The following ZNF83 variants were observed in gnomAD, a reference collection of about 807,000 sequenced individuals.
ZNF83 encodes the protein zinc finger protein 83.
For missense variants in ZNF83, 552 were observed against 629.9 expected, an observed-to-expected ratio of 0.88 and a Z score of 1.32; for synonymous variants, 209 against 213.0, an observed-to-expected ratio of 0.98 and a Z score of 0.17.
In ZNF83 at chr19:52,631,665, T is replaced by C. The variant is rs372543501; in HGVS notation, c.-234+3401A>G. ...TTCTGGATACCACACCTGACCCTCA[T>C]GACTGTATCTCTCTGATCCATCTGA... On this transcript the variant is annotated intron_variant, in intron 2 of 2. Transcript: ENST00000301096. 3.4e-3 allele frequency among the ~76,000 whole-genome samples: 523 copies of C among 152,340 alleles called. 1 individual carries two copies. Among genetic ancestry groups the C allele is most frequent in the Non-Finnish European group, 5.9e-3 (401 of 68,028 alleles).
chr19:52,628,690 TTCTC>T (rs1184279034), intron 2 of ZNF83, among the ~76,000 whole-genome samples: 22 of 151,920 alleles, frequency 1.4e-4, no homozygotes, highest in Non-Finnish European at 2.1e-4. Flanking sequence ...CCCCAACACC[TTCTC>T]TCTGTGTCTC....
upstream of ZNF83, among the ~76,000 whole-genome samples, chr19:52,642,261 CTTTTTTTTTTTTTTTTT>C (rs869173970): frequency 6.3e-5 from 3 of 47,864 alleles, no homozygotes; most frequent in South Asian, 8.5e-4. Flanking sequence ...AGTATTGTAG[CTTTTTTTTTTTTTTTTT>C]TTTTTTTTTT....
chr19:52,620,040 C>T (rs1012106317), intron 2 of ZNF83, among the ~76,000 whole-genome samples: 3 of 152,020 alleles, frequency 2.0e-5, no homozygotes, highest in African/African-American at 7.2e-5. Flanking sequence ...CAAAGCGAGG[C>T]CCCATCTCAA....
At chr19:52,614,753 C>T in exon 3 of ZNF83, 1 of 1,291,218 alleles carries the variant, frequency 7.7e-7, no homozygotes, top group Non-Finnish European at 9.9e-7. Context: ...GTATTACTCT[C>T]CTTTTTTGGT....
chr19:52,687,497 TAG>T (rs374991777), intron 1 of ZNF83, among the ~76,000 whole-genome samples: 2 of 19,088 alleles, frequency 1.0e-4, no homozygotes, highest in Admixed American at 4.0e-4. Context: ...ATAATTTATA[TAG>T]ATATATAAAT....
At position 52,657,980 on chromosome 19, in the gene ZNF83, TACA is replaced by T. The variant is rs540715847; in HGVS notation, c.-200-2296_-200-2294del. Reference sequence around the variant, plus strand: ...AGAGAAACTCTGTCTCTACTAAAAATACAAAATTAGCCGGGTATGGTGATGCAT... The same window carrying T: ...AGAGAAACTCTGTCTCTACTAAAAATAAATTAGCCGGGTATGGTGATGCAT... On this transcript the variant is annotated intron_variant, in intron 2 of 5. Coordinates refer to the ZNF83 transcript ENST00000594682. Among the ~76,000 whole-genome samples the T allele has an allele frequency of 9.9e-5, 15 of 151,548 alleles. No homozygotes were observed. The South Asian group carries it at 3.1e-3, about 32-fold the overall frequency.
intron 2 of ZNF83, among the ~76,000 whole-genome samples, chr19:52,628,616 G>A (rs1259562407): frequency 2.0e-5 from 3 of 152,006 alleles, no homozygotes; most frequent in Admixed American, 2.0e-4. Flanking sequence ...GACCACACAG[G>A]GACGCCTGCC....
intron 2 of ZNF83, among the ~76,000 whole-genome samples, chr19:52,626,302 T>C (rs1304262658): frequency 6.6e-6 from 1 of 152,188 alleles, no homozygotes; most frequent in African/African-American, 2.4e-5. Context: ...CCAAGTCAAC[T>C]CTTAGCCCCA....
intron 1 of ZNF83, among the ~76,000 whole-genome samples, chr19:52,689,088 C>T (rs577988680): frequency 4.6e-5 from 7 of 152,126 alleles, no homozygotes; most frequent in African/African-American, 9.6e-5. Flanking sequence ...ACAAGGCCAC[C>T]GGCAACCCAA....
intron 1 of ZNF83, among the ~76,000 whole-genome samples, chr19:52,661,630 G>C (rs1212615889): frequency 6.6e-6 from 1 of 152,198 alleles, no homozygotes; most frequent in African/African-American, 2.4e-5. Flanking sequence ...AACCTAATGT[G>C]AAGTCAGGGT....
upstream of ZNF83, among the ~76,000 whole-genome samples, chr19:52,641,497 G>C (rs1018334593): frequency 2.0e-5 from 3 of 152,152 alleles, no homozygotes; most frequent in African/African-American, 7.2e-5. Context: ...AAGTTGAAGA[G>C]CATTTCCCTA....
chr19:52,660,492 C>G (rs1000256325), intron 2 of ZNF83, among the ~76,000 whole-genome samples: 2 of 147,710 alleles, frequency 1.4e-5, no homozygotes, highest in Non-Finnish European at 2.9e-5. Context: ...GTGGTGGACA[C>G]CTATAATCAC....
intron 1 of ZNF83, among the ~76,000 whole-genome samples, chr19:52,674,965 C>T (rs2061779017): frequency 6.6e-6 from 1 of 152,158 alleles, no homozygotes; most frequent in African/African-American, 2.4e-5. Flanking sequence ...AAGTGATCTA[C>T]CCACCTTGGG....
intron 1 of ZNF83, among the ~76,000 whole-genome samples, chr19:52,672,060 C>T (rs750414595): frequency 6.6e-6 from 1 of 151,912 alleles, no homozygotes; most frequent in Non-Finnish European, 1.5e-5. Flanking sequence ...ATGGTGAAAC[C>T]CCATCTGTAC....
intron 1 of ZNF83, among the ~76,000 whole-genome samples, chr19:52,662,466 G>T (rs2061592950): frequency 6.6e-6 from 1 of 152,042 alleles, no homozygotes; most frequent in Admixed American, 6.5e-5. Context: ...GTTGTGAAAT[G>T]ACACGATATG....
chr19:52,655,640 C>T (rs1044913880), exon 3 of ZNF83: 65 of 1,421,246 alleles, frequency 4.6e-5, no homozygotes, highest in Non-Finnish European at 6.2e-5. Flanking sequence ...GGCATTTCCA[C>T]TCCTCCAAAG....
At chr19:52,622,371 A>G (rs961200623) in intron 2 of ZNF83, among the ~76,000 whole-genome samples, 1 of 152,148 alleles carries the variant, frequency 6.6e-6, no homozygotes, top group Admixed American at 6.6e-5. Context: ...CTTAACCTGG[A>G]GTGACTTAAA....
At chr19:52,614,063 G>C (rs143166499) in exon 3 of ZNF83, 5 of 1,613,014 alleles carry the variant, frequency 3.1e-6, no homozygotes, top group Non-Finnish European at 4.2e-6. Flanking sequence ...TGAATCCTGC[G>C]ATGCTGTGCA....
At chr19:52,677,534 CTG>C (rs988574087) in intron 1 of ZNF83, among the ~76,000 whole-genome samples, 18 of 151,884 alleles carry the variant, frequency 1.2e-4, no homozygotes, top group African/African-American at 4.4e-4. Flanking sequence ...GTATGGCGGT[CTG>C]AGGTAAAAGC....
Sources: gnomAD v4.1 joint callset for allele counts (sites outside exome capture counted in the v4.1 genomes callset) on GRCh38, gnomAD v4.1.1 for gene constraint, MANE v1.5 for transcripts, NCBI Gene and HGNC (gene_info 2026-07-23, HGNC 2026-07-21) for gene names.